The following DCAF6 variants were observed in gnomAD, a reference collection of about 807,000 sequenced individuals.
The protein encoded by DCAF6 is DDB1 and CUL4 associated factor 6.
In DCAF6, 54 loss-of-function variants were observed where a neutral mutation model predicts 125.1. The observed-to-expected ratio is 0.43, with a 90% CI of 0.35 to 0.54. DCAF6 has a LOEUF of 0.54. Ranked by LOEUF, DCAF6 falls within the 20% of genes least tolerant of loss-of-function variation. The pLI is 0.01. For missense variants in DCAF6, 934 were observed against 1,161.7 expected (o/e 0.80, Z 2.85); for synonymous variants, 371 against 390.4 (o/e 0.95, Z 0.58).
the DCAF6 span, among the ~76,000 whole-genome samples, chr1:167,912,451 G>A: frequency 6.6e-6 from 1 of 152,124 alleles, no homozygotes; most frequent in African/African-American, 2.4e-5. Context: ...ATGGCACCCT[G>A]CATTTGCATA....
intron 13 of DCAF6, chr1:168,042,768 A>C (rs1285240391): frequency 3.2e-6 from 1 of 307,976 alleles, no homozygotes; most frequent in African/African-American, 2.2e-5. Flanking sequence ...GTAGAAATAC[A>C]TACTAGATAA....
chr1:167,953,511 A>G (rs1389259177), intron 2 of DCAF6, among the ~76,000 whole-genome samples: 2 of 152,230 alleles, frequency 1.3e-5, no homozygotes, highest in Non-Finnish European at 2.9e-5. Context: ...TATTTTTTAA[A>G]TTTACTATCA....
chr1:168,041,540 A>G (rs1461252256), intron 13 of DCAF6, among the ~76,000 whole-genome samples: 1 of 151,928 alleles, frequency 6.6e-6, no homozygotes, highest in Non-Finnish European at 1.5e-5. Flanking sequence ...TCTAGAATTT[A>G]TTTTCCCATA....
chr1:167,870,945 A>G, the DCAF6 span, among the ~76,000 whole-genome samples: 11 of 152,256 alleles, frequency 7.2e-5, no homozygotes, highest in African/African-American at 2.2e-4. Flanking sequence ...ATTTGATTAG[A>G]AGCTGTGAGA....
chr1:167,999,613 G>A (rs890253658), intron 7 of DCAF6, among the ~76,000 whole-genome samples: 1 of 152,126 alleles, frequency 6.6e-6, no homozygotes, highest in African/African-American at 2.4e-5. Flanking sequence ...GCTTTACCTT[G>A]TACTTTTATG....
intron 13 of DCAF6, among the ~76,000 whole-genome samples, chr1:168,041,559 C>T (rs1688531774): frequency 6.6e-6 from 1 of 152,002 alleles, no homozygotes; most frequent in East Asian, 1.9e-4. Flanking sequence ...TAAAGTATAA[C>T]GTGAAGCCAT....
chr1:167,950,946 A>AT (rs1171202765), intron 1 of DCAF6, among the ~76,000 whole-genome samples: 2 of 152,192 alleles, frequency 1.3e-5, no homozygotes, highest in Non-Finnish European at 2.9e-5. Flanking sequence ...CGTTTCTGAA[A>AT]TTGAGAAATG....
chr1:167,875,044 T>G, the DCAF6 span: 5 of 1,089,448 alleles, frequency 4.6e-6, no homozygotes, highest in Non-Finnish European at 7.1e-6. Context: ...GATAATTCAT[T>G]AAGCTGCACA....
chr1:167,925,442 C>CATATATATATATATATATATATATATAT, the DCAF6 span, among the ~76,000 whole-genome samples: 4 of 82,476 alleles, frequency 4.8e-5, no homozygotes, highest in Non-Finnish European at 9.2e-5. Flanking sequence ...TACATATACA[C>CATATATATATATATATATATATATATAT]ATATATATAT....
intron 1 of DCAF6, among the ~76,000 whole-genome samples, chr1:167,948,854 G>A (rs536391351): frequency 6.6e-6 from 1 of 152,250 alleles, no homozygotes; most frequent in South Asian, 2.1e-4. Context: ...GTTTTGACAT[G>A]TTGATCAGGC....
chr1:167,922,481 T>C, the DCAF6 span, among the ~76,000 whole-genome samples: 1 of 151,986 alleles, frequency 6.6e-6, no homozygotes, highest in Non-Finnish European at 1.5e-5. Context: ...AATTCCACTA[T>C]AAAGATATAT....
chr1:167,953,458 C>A (rs578049794), intron 2 of DCAF6, among the ~76,000 whole-genome samples: 1 of 152,216 alleles, frequency 6.6e-6, no homozygotes, highest in African/African-American at 2.4e-5. Flanking sequence ...ACTTTTGCCC[C>A]CCTGCCTTGG....
At chr1:168,046,989 T>G (rs1689220016) in intron 16 of DCAF6, among the ~76,000 whole-genome samples, 1 of 152,114 alleles carries the variant, frequency 6.6e-6, no homozygotes, top group African/African-American at 2.4e-5. Flanking sequence ...ATTTAGCAGC[T>G]TCTATGCAGG....
the DCAF6 span, chr1:167,905,345 A>G: frequency 4.5e-6 from 3 of 669,816 alleles, no homozygotes; most frequent in Non-Finnish European, 7.8e-6. Context: ...CAAAAGGGCC[A>G]ATTTCTATAC....
the DCAF6 span, among the ~76,000 whole-genome samples, chr1:167,872,628 A>G: frequency 6.6e-6 from 1 of 151,900 alleles, no homozygotes; most frequent in African/African-American, 2.4e-5. Context: ...AATTTCATTT[A>G]TAGCAGCCCT....
intron 17 of DCAF6, among the ~76,000 whole-genome samples, chr1:168,051,143 G>T (rs542857450): frequency 1.5e-4 from 23 of 152,314 alleles, no homozygotes; most frequent in Non-Finnish European, 3.1e-4. Flanking sequence ...GAAATTTCCT[G>T]TGTGCAGACT....
chr1:167,941,878 G>A (rs1390209118), intron 1 of DCAF6, among the ~76,000 whole-genome samples: 1 of 152,108 alleles, frequency 6.6e-6, no homozygotes, highest in Admixed American at 6.5e-5. Context: ...TGTATGGTAA[G>A]TATGTTTAAC....
chr1:167,932,246 A>G (rs1429030292), upstream of DCAF6, among the ~76,000 whole-genome samples: 1 of 152,126 alleles, frequency 6.6e-6, no homozygotes, highest in Non-Finnish European at 1.5e-5. Context: ...TTGAGTATAC[A>G]TCCTGTTTAT....
chr1:167,939,866 T>C (rs1419276240), intron 1 of DCAF6, among the ~76,000 whole-genome samples: 1 of 152,264 alleles, frequency 6.6e-6, no homozygotes, highest in Non-Finnish European at 1.5e-5. Flanking sequence ...GATTCCTTTT[T>C]TAAAAGACTT....
Sources: allele counts gnomAD v4.1 joint callset (sites outside exome capture counted in the v4.1 genomes callset), GRCh38; gene constraint gnomAD v4.1.1; transcripts MANE v1.5; gene names NCBI Gene and HGNC (gene_info 2026-07-23, HGNC 2026-07-21).